Variants in TFRC observed in about 807,000 individuals in gnomAD.
TFRC encodes the protein transferrin receptor.
Under a neutral mutation model 85.8 loss-of-function variants are expected in TFRC, and 35 were observed. The observed-to-expected ratio is 0.41, with a 90% confidence interval of 0.31 to 0.54. TFRC has a LOEUF of 0.54. Ranked by LOEUF, TFRC falls within the 20% of genes least tolerant of loss-of-function variation. The pLI, the probability that TFRC is intolerant of heterozygous loss-of-function variation, is 0.31. For missense variants in TFRC, 828 were observed against 921.5 expected, an observed-to-expected ratio of 0.90 and a Z score of 1.31; for synonymous variants, 362 against 328.6, an observed-to-expected ratio of 1.10 and a Z score of -1.10.
At chr3:196,070,242 G>A (rs2108651625) in intron 6 of TFRC, among the ~76,000 whole-genome samples, 1 of 151,178 alleles carries the variant, frequency 6.6e-6, no homozygotes, top group South Asian at 2.1e-4. Flanking sequence ...ATCCACTAGA[G>A]ATACGCCTGA....
At chr3:196,058,472 T>G in intron 15 of TFRC, 102 bp downstream of exon 15, 2 of 1,462,896 alleles carry the variant, frequency 1.4e-6, no homozygotes, top group Non-Finnish European at 1.9e-6. Flanking sequence ...TATCTTTAGG[T>G]GTAAGTAAGT....
In TFRC at chr3:196,053,557, T is replaced by A; in HGVS notation, c.1901A>T (p.Glu634Val). Residue 634 changes from glutamate to valine, a missense_variant and splice_region_variant, in exon 18 of 19, where the codon GAA becomes GTA. Coordinates refer to ENST00000360110, the MANE Select transcript of TFRC (RefSeq NM_001128148.3). ...CAGCCACTGTAAACTCAGGCCCATTTCCTGAAACAGACATTATTCGCTATG... is the reference window on the plus strand; with the variant it reads ...CAGCCACTGTAAACTCAGGCCCATTACCTGAAACAGACATTATTCGCTATG... ...DLNQYRADIK[E>V]MGLSLQWLYS... The A allele has an allele frequency of 6.2e-7, 1 of 1,614,074 alleles. No individual in the cohort carries two copies. Among genetic ancestry groups the A allele is most frequent in the Non-Finnish European group, 8.5e-7 (1 of 1,179,972 alleles).
rs1351089870 is a variant in TFRC at position 196,058,375 on chromosome 3, C to T, written c.1596-10G>A. 6.2e-7 allele frequency: 1 copy of T among 1,611,546 alleles called. No homozygotes were observed. The highest frequency in any genetic ancestry group is 8.5e-7 in the Non-Finnish European group (1 of 1,178,208). On this transcript the variant is annotated splice_polypyrimidine_tract_variant and intron_variant, in intron 15 of 18. Transcript: ENST00000360110. ...TAAAGTGAGTTTCTCACTGCAAAGA[C>T]AAAGAATGTGTCTTTAGAAAGTGTT...
intron 2 of TFRC, among the ~76,000 whole-genome samples, chr3:196,075,972 C>CA (rs11373736): frequency 0.2 from 27,651 of 135,118 alleles, 2,983 homozygotes; most frequent in Non-Finnish European, 0.26. Context: ...ACTAAAAATT[C>CA]AAAAAAAAAA....
Position 196,060,217 on chromosome 3 carries a change from G to A in TFRC, c.1499C>T (p.Pro500Leu). 6.2e-7 allele frequency: 1 copy of A among 1,613,964 alleles called. No individual in the cohort carries two copies. Among genetic ancestry groups the A allele is most frequent in the Non-Finnish European group, 8.5e-7 (1 of 1,179,938 alleles). Reference sequence around the variant, plus strand: ...TTTCTCAATAAGCGTATACAACAGTGGGCTGGCAGAAACCTTGAAGTTGCT... The same window carrying A: ...TTTCTCAATAAGCGTATACAACAGTAGGCTGGCAGAAACCTTGAAGTTGCT... ...GTSNFKVSAS[P>L]LLYTLIEKTM... Residue 500 changes from proline to leucine, a missense_variant, in exon 14 of 19, where the codon CCA becomes CTA. Pro to Leu is a moderately conservative substitution (Grantham distance 98). Coordinates refer to ENST00000360110, the MANE Select transcript of TFRC (RefSeq NM_001128148.3).
At chr3:196,061,933 G>A (rs1018374286) in intron 13 of TFRC, among the ~76,000 whole-genome samples, 6 of 152,148 alleles carry the variant, frequency 3.9e-5, no homozygotes, top group African/African-American at 1.4e-4. Context: ...ACAAGCAATT[G>A]TGCTCACTGT....
intron 11 of TFRC, 173 bp from the exon 12 acceptor site, chr3:196,063,112 C>A: frequency 1.8e-6 from 1 of 554,840 alleles, no homozygotes; most frequent in Non-Finnish European, 3.1e-6. Context: ...TTTTTGAGAC[C>A]CCAGGTAAAA....
chr3:196,077,340 A>G (rs1221774479), intron 1 of TFRC, among the ~76,000 whole-genome samples: 1 of 151,976 alleles, frequency 6.6e-6, no homozygotes, highest in Non-Finnish European at 1.5e-5. Flanking sequence ...TGTAGAGACA[A>G]GGTCACCCTA....
intron 1 of TFRC, among the ~76,000 whole-genome samples, chr3:196,081,611 A>C (rs1223208576): frequency 6.6e-6 from 1 of 152,136 alleles, no homozygotes. Flanking sequence ...GCGCTCCCGG[A>C]CCCGCAGCCC....
intron 11 of TFRC, chr3:196,063,509 T>G (rs1395830902): frequency 1.3e-5 from 2 of 152,896 alleles, no homozygotes; most frequent in Admixed American, 1.3e-4. Flanking sequence ...TCCATTAATG[T>G]ACTCTGTATT....
Position 196,073,844 on chromosome 3 carries a change from C to G in TFRC, c.434+86G>C, listed in dbSNP as rs113124008. ...TTGTCTTCTCTAACAAGCCATTCCC[C>G]ACAGTGTCACCATTATTGTTTCCCC... is the stretch of plus-strand genomic sequence containing the variant. On this transcript the variant is annotated intron_variant, in intron 4 of 18. Coordinates refer to ENST00000360110, the MANE Select transcript of TFRC (RefSeq NM_001128148.3). 4 of 1,368,442 alleles carry G rather than the reference C, an allele frequency of 2.9e-6. No individual in the cohort carries two copies. The African/African-American group carries it at 5.8e-5, about 20-fold the overall frequency. The allele number at this position is 1,368,442 out of a possible 1,614,324, so 84.8% of individuals were successfully genotyped here.
rs759097951 is a variant in TFRC, at chr3:196,051,195, T to C, written c.*747A>G. On this transcript the variant is annotated 3_prime_UTR_variant, in exon 19 of 19. Transcript: ENST00000360110. ...ACTAAACACCTGAAACTGGTTCTCT[T>C]TCAATGTGCTTTGGAAGAAACAAAA... 5.1e-5 allele frequency: 11 copies of C among 216,932 alleles called. No homozygotes were observed. The highest frequency in any genetic ancestry group is 1.6e-4 in the African/African-American group (7 of 44,434). 13.4% of individuals were successfully genotyped at this position (216,932 alleles called of 1,614,324 possible).
rs1716289062 is a variant in TFRC, at chr3:196,051,359, GT to G, written c.*582del. ...TAAGGCCTTATTCCTGCAATCAACA[GT>G]TGAACCTCATTTTATCCAGCAGAAG... On this transcript the variant is annotated 3_prime_UTR_variant, in exon 19 of 19. Coordinates refer to ENST00000360110, the MANE Select transcript of TFRC (RefSeq NM_001128148.3). 4.6e-6 allele frequency: 1 copy of G among 219,234 alleles called. No individual in the cohort carries two copies. Among genetic ancestry groups the G allele is most frequent in the African/African-American group, 2.2e-5 (1 of 44,548 alleles). The allele number at this position is 219,234 out of a possible 1,614,324, so 13.6% of individuals were successfully genotyped here.
At chr3:196,062,410 G>A (rs981336370) in intron 13 of TFRC, 172 bp downstream of exon 13, 22 of 609,328 alleles carry the variant, frequency 3.6e-5, no homozygotes, top group Non-Finnish European at 5.8e-5. Context: ...GTGAGCACCT[G>A]TAATCCCAGC....
At chr3:196,073,789 C>A in intron 4 of TFRC, 141 bp downstream of exon 4, 1 of 837,112 alleles carries the variant, frequency 1.2e-6, no homozygotes, top group Non-Finnish European at 1.7e-6. Context: ...TTACAGGCCC[C>A]TTCCCCTCTT....
intron 2 of TFRC, 94 bp downstream of exon 2, chr3:196,076,970 G>T: frequency 1.7e-6 from 2 of 1,164,154 alleles, no homozygotes; most frequent in South Asian, 1.3e-5. Flanking sequence ...CCTGATAATA[G>T]ATTGGGGTTA....
At chr3:196,056,928 T>C (rs992261248) in intron 16 of TFRC, among the ~76,000 whole-genome samples, 2 of 152,064 alleles carry the variant, frequency 1.3e-5, no homozygotes, top group African/African-American at 4.8e-5. Context: ...TTCAAGCGAT[T>C]CTCCTGCCTC....
At chr3:196,066,792 A>G (rs1717777180) in intron 9 of TFRC, among the ~76,000 whole-genome samples, 1 of 152,230 alleles carries the variant, frequency 6.6e-6, no homozygotes, top group East Asian at 1.9e-4. Context: ...GAGACTATCA[A>G]GTAGAATATA....
intron 14 of TFRC, 53 bp from the exon 15 acceptor site, chr3:196,058,685 A>G: frequency 7.5e-7 from 1 of 1,338,566 alleles, no homozygotes. Context: ...TTATTTATTC[A>G]GGCTAGTCAC....
Sources: allele counts gnomAD v4.1 joint callset (sites outside exome capture counted in the v4.1 genomes callset), GRCh38; gene constraint gnomAD v4.1.1; transcripts MANE v1.5; gene names NCBI Gene and HGNC (gene_info 2026-07-23, HGNC 2026-07-21).